The following KIFC3 variants were observed in gnomAD, a reference collection of about 807,000 sequenced individuals.
KIFC3 encodes the protein kinesin-like protein KIFC3.
A neutral mutation model predicts 101.8 loss-of-function variants in KIFC3; 60 were observed. The ratio of observed to expected loss-of-function variants is 0.59; its 90% CI spans 0.48 to 0.73. KIFC3 has a LOEUF of 0.73. Ranked by LOEUF, KIFC3 falls within the 30% of genes least tolerant of loss-of-function variation. The pLI is 0.00. For missense variants in KIFC3, 966 were observed against 1,137.1 expected, an observed-to-expected ratio of 0.85 and a Z score of 2.16; for synonymous variants, 476 against 482.7, an observed-to-expected ratio of 0.99 and a Z score of 0.18.
At chr16:57,832,051 C>T (rs181438148) in intron 1 of KIFC3, among the ~76,000 whole-genome samples, 171 of 152,126 alleles carry the variant, frequency 1.1e-3, no homozygotes, top group Middle Eastern at 6.8e-3. Flanking sequence ...GACAGAGTCT[C>T]GTTCTGTCAC....
intron 11 of KIFC3, 28 bp from the exon 12 acceptor site, chr16:57,764,275 T>TGGGGGGTGGGTGGGGGGG: frequency 1.9e-6 from 1 of 539,928 alleles, no homozygotes; most frequent in Non-Finnish European, 3.5e-6. Flanking sequence ...GGGAGGCTGG[T>TGGGGGGTGGGTGGGGGGG]GGGGGGGCTT....
At chr16:57,782,772 C>T (rs576276054) in intron 3 of KIFC3, among the ~76,000 whole-genome samples, 7 of 152,264 alleles carry the variant, frequency 4.6e-5, no homozygotes, top group South Asian at 4.1e-4. Flanking sequence ...GGTGAAACCC[C>T]GTCTCTACTG....
At position 57,823,761 on chromosome 16, in the gene KIFC3, T is replaced by G. The variant is rs113169022; in HGVS notation, c.109-25479A>C. On this transcript the variant is annotated intron_variant, in intron 1 of 2. Coordinates refer to the KIFC3 transcript ENST00000563028. The stretch of plus-strand genomic sequence containing the variant: ...GTGTGCACCACCACACCCGGCTACT[T>G]TGTGTGTGTGTGTGTGTGTGTGTGT... 1.9e-3 allele frequency among the ~76,000 whole-genome samples: 253 copies of G among 136,716 alleles called. 2 individuals are homozygous for G. Among genetic ancestry groups the G allele is most frequent in the Non-Finnish European group, 2.7e-3 (175 of 64,076 alleles). The allele number at this position is 136,716 out of a possible 152,430, so 89.7% of individuals were successfully genotyped here.
exon 1 of KIFC3, chr16:57,862,748 C>G (rs1484502010): frequency 7.8e-7 from 1 of 1,289,234 alleles, no homozygotes; most frequent in Non-Finnish European, 1.0e-6. Flanking sequence ...CTCCGGGACA[C>G]CAGCCTCCAA....
chr16:57,789,409 C>T (rs762687875), intron 3 of KIFC3, among the ~76,000 whole-genome samples: 18 of 152,246 alleles, frequency 1.2e-4, no homozygotes, highest in Non-Finnish European at 1.8e-4. Flanking sequence ...ACCTGCCGCT[C>T]ACACAGAAAG....
At chr16:57,819,386 C>G (rs148213381) in intron 1 of KIFC3, among the ~76,000 whole-genome samples, 60 of 152,236 alleles carry the variant, frequency 3.9e-4, no homozygotes, top group African/African-American at 1.3e-3. Context: ...GAGAGGATGG[C>G]TTGAGCCTAA....
chr16:57,828,482 G>A (rs957221900), intron 1 of KIFC3, among the ~76,000 whole-genome samples: 1 of 152,240 alleles, frequency 6.6e-6, no homozygotes, highest in Non-Finnish European at 1.5e-5. Flanking sequence ...GGGAGGGAGA[G>A]CTTGCCAAGG....
intron 3 of KIFC3, among the ~76,000 whole-genome samples, chr16:57,792,321 T>C (rs1192720792): frequency 6.6e-6 from 1 of 152,244 alleles, no homozygotes; most frequent in Non-Finnish European, 1.5e-5. Flanking sequence ...CGTGATTATT[T>C]GGTCACTCTC....
intron 2 of KIFC3, among the ~76,000 whole-genome samples, chr16:57,796,687 A>T (rs761308284): frequency 2.8e-4 from 42 of 151,980 alleles, no homozygotes; most frequent in Non-Finnish European, 2.9e-5. Flanking sequence ...ATAATACCCA[A>T]TTTTTTCCTT....
intron 1 of KIFC3, among the ~76,000 whole-genome samples, chr16:57,800,075 CAGAG>C (rs141690411): frequency 0.026 from 3,994 of 151,616 alleles, 194 homozygotes; most frequent in African/African-American, 0.091. Context: ...ATTGGGGAGA[CAGAG>C]AGACAGGAGT....
At chr16:57,767,205 T>C (rs1482675688) in intron 9 of KIFC3, among the ~76,000 whole-genome samples, 8 of 152,354 alleles carry the variant, frequency 5.3e-5, no homozygotes, top group African/African-American at 1.9e-4. Context: ...AGCTGACAGC[T>C]TGAGGCTGCT....
chr16:57,776,245 G>C (rs1157446961), intron 3 of KIFC3: 4 of 985,390 alleles, frequency 4.1e-6, no homozygotes, highest in Non-Finnish European at 3.6e-6. Flanking sequence ...ACAACCTCAA[G>C]GAAACTCAGC....
At chr16:57,785,425 T>A in intron 3 of KIFC3, 1 of 1,237,968 alleles carries the variant, frequency 8.1e-7, no homozygotes, top group Non-Finnish European at 1.1e-6. Flanking sequence ...TGCTCCATAG[T>A]GGGCAGTGGC....
At chr16:57,817,761 T>C (rs1291840180) in intron 1 of KIFC3, among the ~76,000 whole-genome samples, 1 of 152,178 alleles carries the variant, frequency 6.6e-6, no homozygotes, top group African/African-American at 2.4e-5. Context: ...GGATATAAAT[T>C]TGGGGGAACA....
In KIFC3 at chr16:57,795,877, C is replaced by CTTTTT. The variant is rs1568047538; in HGVS notation, c.173-741_173-737dup. ...CTTACACACATTCTGTTTTTTTGGG[C>CTTTTT]TTTTTTGTTTTTTTTTTTTTTTTTT... is the stretch of plus-strand genomic sequence containing the variant. On this transcript the variant is annotated intron_variant, in intron 2 of 19. Transcript: ENST00000445690. Among the ~76,000 whole-genome samples the CTTTTT allele has an allele frequency of 7.8e-4, 63 of 81,142 alleles. 2 individuals are homozygous for CTTTTT. The highest frequency in any genetic ancestry group is 2.0e-3 in the African/African-American group (56 of 28,166). The allele number at this position is 81,142 out of a possible 152,430, so 53.2% of individuals were successfully genotyped here. A position where few individuals can be genotyped will look rare whatever the true frequency, so the allele number is the denominator to read the frequency against.
chr16:57,842,673 ATTATC>A (rs2149314440), intron 1 of KIFC3, among the ~76,000 whole-genome samples: 1 of 152,238 alleles, frequency 6.6e-6, no homozygotes, highest in Non-Finnish European at 1.5e-5. Context: ...CCATTATTAT[ATTATC>A]TTATTATAAC....
chr16:57,769,574 C>T lies in KIFC3; in HGVS notation c.1218+21G>A, dbSNP rs1555605601. ...GTGCACCCCCTTAGCCTGGACCCTC[C>T]CACCCACTGCCCTCGCTCACCTCGG... On this transcript the variant is annotated intron_variant, in intron 9 of 19. Transcript: ENST00000445690. The surrounding 1 kb of genome is among the most constrained non-coding windows in gnomAD (Gnocchi z 4.3). 6.2e-7 allele frequency: 1 copy of T among 1,602,308 alleles called. No individual in the cohort carries two copies. The highest frequency in any genetic ancestry group is 1.1e-5 in the South Asian group (1 of 90,246).
chr16:57,850,080 C>A (rs374627798), intron 1 of KIFC3, among the ~76,000 whole-genome samples: 3 of 151,372 alleles, frequency 2.0e-5, no homozygotes, highest in East Asian at 4.0e-4. Context: ...GGTGACAGAG[C>A]AAGACCCTTT....
intron 3 of KIFC3, among the ~76,000 whole-genome samples, chr16:57,784,845 T>C (rs2053152281): frequency 1.3e-5 from 2 of 151,994 alleles, no homozygotes; most frequent in Admixed American, 6.6e-5. Flanking sequence ...GGGCCGGTGG[T>C]CAGCCCCATG....
Sources: allele counts gnomAD v4.1 joint callset (sites outside exome capture counted in the v4.1 genomes callset), GRCh38; gene constraint gnomAD v4.1.1; non-coding constraint Gnocchi (gnomAD v3.1); transcripts MANE v1.5; gene names NCBI Gene and HGNC (gene_info 2026-07-23, HGNC 2026-07-21).